The following UTRN variants were observed in gnomAD, a reference collection of about 807,000 sequenced individuals.
The protein encoded by UTRN is utrophin.
UTRN carries 283 observed loss-of-function variants against 463.9 expected under a neutral mutation model. That is an observed-to-expected ratio of 0.61 (90% CI 0.55 to 0.67). The LOEUF is 0.67. Among genes scored for constraint, UTRN ranks in the 30% least tolerant of loss-of-function variants. The pLI, the probability that UTRN is intolerant of heterozygous loss-of-function variation, is 0.00. For missense variants in UTRN, 3,922 were observed against 4,084.3 expected (o/e 0.96, Z 1.08); for synonymous variants, 1,442 against 1,431.5 (o/e 1.01, Z -0.17).
intron 7 of UTRN, among the ~76,000 whole-genome samples, chr6:144,428,222 C>T (rs879658429): frequency 2.0e-5 from 3 of 152,008 alleles, no homozygotes; most frequent in Non-Finnish European, 4.4e-5. Flanking sequence ...AGCATGGAAG[C>T]AGGGGATTGG....
In UTRN at chr6:144,771,944, A is replaced by G; in HGVS notation, c.8533A>G (p.Met2845Val). Reference protein sequence around the residue: ...TQTTCWDHPKMTELFQSLADL... With the variant: ...TQTTCWDHPKVTELFQSLADL... Reference sequence around the variant, plus strand: ...GACCACCTGTTGGGACCATCCTAAAATGACCGAACTCTTTCAATCCCTTGG... The same window carrying G: ...GACCACCTGTTGGGACCATCCTAAAGTGACCGAACTCTTTCAATCCCTTGG... Residue 2845 changes from methionine (M) to valine (V), a missense_variant, in exon 59 of 75, where the codon ATG (methionine) becomes GTG (valine). Coordinates refer to ENST00000367545, the MANE Select transcript of UTRN (RefSeq NM_007124.3). The G allele has an allele frequency of 6.3e-7, 1 of 1,594,384 alleles. No homozygotes were observed. The highest frequency in any genetic ancestry group is 8.5e-7 in the Non-Finnish European group (1 of 1,172,990).
At chr6:144,605,938 G>A (rs952093593) in intron 51 of UTRN, among the ~76,000 whole-genome samples, 11 of 151,818 alleles carry the variant, frequency 7.2e-5, no homozygotes, top group Non-Finnish European at 1.0e-4. Context: ...TTCAAGTTTT[G>A]TACCTGTCTT....
chr6:144,346,427 C>T (rs1777574471), intron 2 of UTRN, among the ~76,000 whole-genome samples: 1 of 152,162 alleles, frequency 6.6e-6, no homozygotes. Context: ...CTAGATTCTC[C>T]TCTCATCAGT....
intron 53 of UTRN, among the ~76,000 whole-genome samples, chr6:144,721,773 A>T (rs1397447617): frequency 6.6e-6 from 1 of 152,192 alleles, no homozygotes; most frequent in Non-Finnish European, 1.5e-5. Context: ...GTAAACATGA[A>T]ATTCATTTGT....
At chr6:144,813,342 C>T (rs1778795083) in intron 65 of UTRN, among the ~76,000 whole-genome samples, 1 of 152,048 alleles carries the variant, frequency 6.6e-6, no homozygotes, top group Non-Finnish European at 1.5e-5. Flanking sequence ...GCATGTGCCA[C>T]CACGCCCAGC....
At chr6:144,724,203 T>C (rs1222378325) in intron 53 of UTRN, among the ~76,000 whole-genome samples, 1 of 150,558 alleles carries the variant, frequency 6.6e-6, no homozygotes, top group Non-Finnish European at 1.5e-5. Context: ...TGCACCATTA[T>C]TGCTATCTAG....
chr6:144,578,893 T>C (rs1333736987), intron 51 of UTRN, among the ~76,000 whole-genome samples: 2 of 152,186 alleles, frequency 1.3e-5, no homozygotes, highest in Non-Finnish European at 2.9e-5. Context: ...AATGTGTGGA[T>C]CTGGATGAAG....
intron 66 of UTRN, among the ~76,000 whole-genome samples, chr6:144,822,555 A>G (rs911505190): frequency 2.0e-5 from 3 of 152,132 alleles, no homozygotes; most frequent in Admixed American, 1.3e-4. Context: ...ATTCTTTTGC[A>G]TAGTACAATT....
rs372586714 is a variant in UTRN at position 144,531,206 on chromosome 6, A to T, written c.6057+4A>T. ...GAAAGCCAGGATACATCAGCAGGTG[A>T]GTGCTTTCTGTTAGAGGAGGGGGAC... On this transcript the variant is annotated splice_donor_region_variant and intron_variant, in intron 42 of 74. Transcript: ENST00000367545. 1.9e-6 allele frequency: 3 copies of T among 1,613,586 alleles called. No homozygotes were observed. The highest frequency in any genetic ancestry group is 1.7e-6 in the Non-Finnish European group (2 of 1,179,712).
intron 25 of UTRN, among the ~76,000 whole-genome samples, chr6:144,478,873 T>C (rs1268263447): frequency 6.6e-6 from 1 of 152,202 alleles, no homozygotes; most frequent in Admixed American, 6.5e-5. Context: ...ATTTCTAGAC[T>C]TCTCCAAAAT....
chr6:144,751,014 A>T (rs1791334465), intron 55 of UTRN, among the ~76,000 whole-genome samples: 1 of 152,168 alleles, frequency 6.6e-6, no homozygotes, highest in African/African-American at 2.4e-5. Context: ...ACAGACAGTG[A>T]TTATAAATGA....
chr6:144,641,666 C>T (rs1777779380), intron 51 of UTRN, among the ~76,000 whole-genome samples: 1 of 152,050 alleles, frequency 6.6e-6, no homozygotes, highest in Non-Finnish European at 1.5e-5. Context: ...GATTCCTTGG[C>T]CCTAAGGTAA....
intron 54 of UTRN, among the ~76,000 whole-genome samples, chr6:144,737,182 G>A (rs1383134285): frequency 3.9e-5 from 6 of 152,162 alleles, no homozygotes; most frequent in African/African-American, 9.7e-5. Flanking sequence ...GGAAAACATA[G>A]TGCAGATCCT....
At chr6:144,485,825 T>C (rs895485283) in intron 28 of UTRN, among the ~76,000 whole-genome samples, 7 of 152,264 alleles carry the variant, frequency 4.6e-5, no homozygotes, top group African/African-American at 1.7e-4. Flanking sequence ...CTCTGCCATA[T>C]GTTATTAGGA....
chr6:144,584,806 A>G (rs1038148399), intron 51 of UTRN, among the ~76,000 whole-genome samples: 5 of 152,146 alleles, frequency 3.3e-5, no homozygotes, highest in Admixed American at 3.3e-4. Flanking sequence ...ATTCAGTTAC[A>G]AAGATTTGTA....
intron 2 of UTRN, among the ~76,000 whole-genome samples, chr6:144,322,432 T>C (rs1775718812): frequency 6.6e-6 from 1 of 152,212 alleles, no homozygotes; most frequent in Non-Finnish European, 1.5e-5. Context: ...CCTAAATCTG[T>C]GAGTGGCCCT....
At chr6:144,379,484 C>T (rs550031876) in intron 2 of UTRN, among the ~76,000 whole-genome samples, 7 of 152,270 alleles carry the variant, frequency 4.6e-5, no homozygotes, top group Middle Eastern at 3.4e-3. Context: ...CACAGTTTCT[C>T]GCCACGTGGG....
intron 52 of UTRN, among the ~76,000 whole-genome samples, chr6:144,699,265 C>A (rs1314128471): frequency 2.0e-5 from 3 of 151,836 alleles, no homozygotes; most frequent in Non-Finnish European, 4.4e-5. Context: ...TGGTGAAATC[C>A]CGTCTCTACT....
At chr6:144,556,917 GATA>G (rs1799439911) in intron 49 of UTRN, among the ~76,000 whole-genome samples, 2 of 152,170 alleles carry the variant, frequency 1.3e-5, no homozygotes, top group African/African-American at 4.8e-5. Flanking sequence ...AAAAGAAAAT[GATA>G]ATAATCTTGT....
Sources: gnomAD v4.1 joint callset for allele counts (sites outside exome capture counted in the v4.1 genomes callset) on GRCh38, gnomAD v4.1.1 for gene constraint, MANE v1.5 for transcripts, NCBI Gene and HGNC (gene_info 2026-07-23, HGNC 2026-07-21) for gene names.